The following TAFA1 variants were observed in gnomAD, a reference collection of about 807,000 sequenced individuals.
The protein encoded by TAFA1 is TAFA chemokine like family member 1.
A neutral mutation model predicts 18.5 loss-of-function variants in TAFA1; 4 were observed. That is an observed-to-expected ratio of 0.22 (90% confidence interval 0.11 to 0.49). The LOEUF (loss-of-function observed/expected upper bound fraction) is 0.49, where lower values mean the gene tolerates loss of function less well. TAFA1 is among the 20% of genes least tolerant of loss of function. The probability of loss-of-function intolerance (pLI) is 0.98; values close to 1 mark genes in which losing one functional copy is unlikely to be tolerated. For synonymous variants in TAFA1, 56 were observed against 55.2 expected (o/e 1.01, Z -0.06); for missense variants, 147 against 169.0 (o/e 0.87, Z 0.72).
At chr3:68,259,834 T>C (rs1164430133) in intron 2 of TAFA1, among the ~76,000 whole-genome samples, 1 of 152,138 alleles carries the variant, frequency 6.6e-6, no homozygotes, top group Non-Finnish European at 1.5e-5. Flanking sequence ...AAGGAGATTT[T>C]GGGCTGAGAC....
chr3:68,175,677 T>C (rs2066115201), intron 2 of TAFA1, among the ~76,000 whole-genome samples: 1 of 152,200 alleles, frequency 6.6e-6, no homozygotes, highest in South Asian at 2.1e-4. Flanking sequence ...TTTTACAGGC[T>C]CATAGGTGGA....
chr3:68,406,200 G>C (rs553818014), intron 2 of TAFA1, among the ~76,000 whole-genome samples: 1 of 152,228 alleles, frequency 6.6e-6, no homozygotes, highest in African/African-American at 2.4e-5. Context: ...AGAAAAATTA[G>C]TATAGCCAGA....
chr3:68,252,391 T>C (rs2067213677), intron 2 of TAFA1, among the ~76,000 whole-genome samples: 1 of 152,216 alleles, frequency 6.6e-6, no homozygotes, highest in African/African-American at 2.4e-5. Context: ...ATTTTGACTA[T>C]ATGCTATTCT....
intron 4 of TAFA1, among the ~76,000 whole-genome samples, chr3:68,542,891 A>G (rs1043820868): frequency 3.9e-5 from 6 of 152,150 alleles, no homozygotes; most frequent in Non-Finnish European, 7.3e-5. Flanking sequence ...ACGACAGAGG[A>G]CGCAATCAGA....
intron 3 of TAFA1, among the ~76,000 whole-genome samples, chr3:68,466,918 T>G (rs970008490): frequency 6.6e-6 from 1 of 152,196 alleles, no homozygotes; most frequent in Non-Finnish European, 1.5e-5. Flanking sequence ...TGATGCCCCA[T>G]GAGCAGTAAA....
At chr3:68,158,844 T>C (rs1260698704) in intron 2 of TAFA1, among the ~76,000 whole-genome samples, 2 of 152,224 alleles carry the variant, frequency 1.3e-5, no homozygotes, top group Non-Finnish European at 2.9e-5. Context: ...GAGGGCATTT[T>C]GCATATACTG....
chr3:68,303,457 T>C (rs2068343439), intron 2 of TAFA1, among the ~76,000 whole-genome samples: 1 of 152,098 alleles, frequency 6.6e-6, no homozygotes, highest in South Asian at 2.1e-4. Context: ...TTGTTTTTTT[T>C]TGAGACAGAG....
intron 3 of TAFA1, among the ~76,000 whole-genome samples, chr3:68,449,430 G>T (rs2071531224): frequency 6.6e-6 from 1 of 152,104 alleles, no homozygotes; most frequent in Non-Finnish European, 1.5e-5. Context: ...TTTTACAGAG[G>T]ATGCGAGACC....
chr3:68,297,354 A>G (rs1446606820), intron 2 of TAFA1, among the ~76,000 whole-genome samples: 1 of 152,184 alleles, frequency 6.6e-6, no homozygotes, highest in African/African-American at 2.4e-5. Flanking sequence ...GTTAGCATGG[A>G]ACATTCCTAA....
chr3:68,180,596 G>C (rs1230806842), intron 2 of TAFA1, among the ~76,000 whole-genome samples: 1 of 152,184 alleles, frequency 6.6e-6, no homozygotes, highest in African/African-American at 2.4e-5. Context: ...GAGGTGAGTA[G>C]TGTCTGCCCC....
intron 2 of TAFA1, among the ~76,000 whole-genome samples, chr3:68,154,755 T>C (rs1477588365): frequency 6.6e-6 from 1 of 152,142 alleles, no homozygotes. Flanking sequence ...CTTGAACTTT[T>C]GTCATTTTCT....
chr3:68,355,687 A>G (rs1048832152), intron 2 of TAFA1, among the ~76,000 whole-genome samples: 1 of 152,010 alleles, frequency 6.6e-6, no homozygotes, highest in Non-Finnish European at 1.5e-5. Context: ...GATTGAGCAT[A>G]CTTTATGTAG....
chr3:68,004,793 T>G (rs1174712982), intron 1 of TAFA1, 91 bp downstream of exon 1: 1 of 152,102 alleles, frequency 6.6e-6, no homozygotes, highest in Non-Finnish European at 1.5e-5. Context: ...CTGAATGCTT[T>G]ATTTGGGGAA....
rs1237187128 is a variant in TAFA1 at position 68,417,392 on chromosome 3, A to G, written c.231A>G (p.Thr77=). The G allele has an allele frequency of 6.2e-7, 1 of 1,613,524 alleles. No homozygotes were observed. The highest frequency in any genetic ancestry group is 8.5e-7 in the Non-Finnish European group (1 of 1,179,710). Residue 77 remains threonine (T), a synonymous_variant, in exon 3 of 5, where the codon ACA becomes ACG. Coordinates refer to ENST00000478136, the MANE Select transcript of TAFA1 (RefSeq NM_213609.4). The part of the protein sequence containing the change: ...CSCLPGKVAG[T]TRNRPSCVDA... ...GTCTACCTGGAAAAGTGGCTGGAAC[A>G]ACAAGAAACCGGCCTTCTTGCGTCG...
At chr3:68,010,788 G>A (rs1333731256) in intron 2 of TAFA1, among the ~76,000 whole-genome samples, 9 of 152,134 alleles carry the variant, frequency 5.9e-5, no homozygotes, top group Non-Finnish European at 1.2e-4. Flanking sequence ...GCTGGATCAA[G>A]TTTTTATTTG....
chr3:68,101,048 G>T lies in TAFA1; in HGVS notation c.118+94304G>T, dbSNP rs199512214. On this transcript the variant is annotated intron_variant, in intron 2 of 4. Coordinates refer to ENST00000478136, the MANE Select transcript of TAFA1 (RefSeq NM_213609.4). ...TTTAAGTTCAAGAGTACACGTGCAG[G>T]TTTGTTACATAGGTAAACTTGTGTC... 1.1e-4 allele frequency among the ~76,000 whole-genome samples: 16 copies of T among 152,168 alleles called. No homozygotes were observed. In the East Asian group the frequency reaches 3.1e-3, roughly 29 times the overall value.
chr3:68,262,098 C>T (rs181981509), intron 2 of TAFA1, among the ~76,000 whole-genome samples: 90 of 151,378 alleles, frequency 5.9e-4, no homozygotes, highest in African/African-American at 2.1e-3. Context: ...GCTCTCTGCT[C>T]AATCTCCAAG....
intron 3 of TAFA1, among the ~76,000 whole-genome samples, chr3:68,532,304 G>T (rs528810378): frequency 6.6e-6 from 1 of 152,312 alleles, no homozygotes; most frequent in South Asian, 2.1e-4. Flanking sequence ...GCAAAGAAAG[G>T]CTGCCTTCTT....
At chr3:68,169,838 C>T (rs1211033040) in intron 2 of TAFA1, among the ~76,000 whole-genome samples, 6 of 152,272 alleles carry the variant, frequency 3.9e-5, no homozygotes, top group African/African-American at 7.2e-5. Flanking sequence ...GGCTGGGCAG[C>T]TTCAGCAGCT....
Sources: gnomAD v4.1 joint callset for allele counts (sites outside exome capture counted in the v4.1 genomes callset) on GRCh38, gnomAD v4.1.1 for gene constraint, MANE v1.5 for transcripts, NCBI Gene and HGNC (gene_info 2026-07-23, HGNC 2026-07-21) for gene names.